The following DAAM1 variants were observed in gnomAD, a reference collection of about 807,000 sequenced individuals.
DAAM1 encodes dishevelled associated activator of morphogenesis 1.
A neutral mutation model predicts 130.0 loss-of-function variants in DAAM1; 52 were observed. That is an observed-to-expected ratio of 0.40 (90% CI 0.32 to 0.50). DAAM1 has a LOEUF of 0.50. DAAM1 is among the 20% of genes least tolerant of loss of function. The pLI is 0.61. For synonymous variants in DAAM1, 452 were observed against 444.5 expected, an observed-to-expected ratio of 1.02 and a Z score of -0.21; for missense variants, 1,134 against 1,303.8, an observed-to-expected ratio of 0.87 and a Z score of 2.01.
rs1885421471 is a variant in DAAM1 at position 59,331,263 on chromosome 14, C to T, written c.1615C>T (p.Pro539Ser). ...ACCCTCGCCTGGAGCACCAGGAGGG[C>T]CCTTTCCTTCCTCTGTGCCTGGATC... The part of the protein sequence containing the change: ...GGPSPGAPGG[P>S]FPSSVPGSLL... Residue 539 changes from proline (P) to serine (S), a missense_variant, in exon 14 of 25, where the codon CCC (proline) becomes TCC (serine). Around this residue, in one of 3 missense-constraint regions of DAAM1, gnomAD observed 644 missense variants for 695.9 expected, o/e 0.93. Coordinates refer to ENST00000360909, the MANE Select transcript of DAAM1 (RefSeq NM_001270520.2). 1.2e-6 allele frequency: 2 copies of T among 1,612,924 alleles called. No homozygotes were observed. Among genetic ancestry groups the T allele is most frequent in the Non-Finnish European group, 1.7e-6 (2 of 1,180,006 alleles).
At chr14:59,283,458 A>C (rs964520028) in intron 2 of DAAM1, among the ~76,000 whole-genome samples, 1 of 152,126 alleles carries the variant, frequency 6.6e-6, no homozygotes, top group Non-Finnish European at 1.5e-5. Flanking sequence ...CTGGTTGTTC[A>C]TTGTGTTGAA....
intron 1 of DAAM1, among the ~76,000 whole-genome samples, chr14:59,262,869 C>T (rs1301813547): frequency 1.3e-5 from 2 of 152,122 alleles, no homozygotes; most frequent in African/African-American, 2.4e-5. Context: ...GGCACTAGGC[C>T]CACAAAATAC....
chr14:59,242,259 C>G (rs1457900179), intron 1 of DAAM1, among the ~76,000 whole-genome samples: 3 of 152,114 alleles, frequency 2.0e-5, no homozygotes, highest in Non-Finnish European at 2.9e-5. Flanking sequence ...TATGATAGAT[C>G]TCAAATATAA....
At chr14:59,275,864 T>C (rs980925603) in intron 2 of DAAM1, among the ~76,000 whole-genome samples, 3 of 152,220 alleles carry the variant, frequency 2.0e-5, no homozygotes, top group African/African-American at 7.2e-5. Context: ...ACACAGAGAA[T>C]ATTACTGTGT....
chr14:59,200,180 G>C (rs921220938), intron 1 of DAAM1, among the ~76,000 whole-genome samples: 1 of 152,126 alleles, frequency 6.6e-6, no homozygotes, highest in African/African-American at 2.4e-5. Context: ...GTCACAACAG[G>C]AGACTTTGTG....
At chr14:59,242,188 A>G (rs894407863) in intron 1 of DAAM1, among the ~76,000 whole-genome samples, 3 of 152,150 alleles carry the variant, frequency 2.0e-5, no homozygotes, top group Non-Finnish European at 4.4e-5. Flanking sequence ...ATTTTTTTCC[A>G]GCTATCCCAC....
At chr14:59,336,802 G>T (rs1200250029) in intron 15 of DAAM1, among the ~76,000 whole-genome samples, 1 of 152,174 alleles carries the variant, frequency 6.6e-6, no homozygotes, top group Non-Finnish European at 1.5e-5. Flanking sequence ...TGAAATAATT[G>T]TATTACTGTA....
chr14:59,195,752 T>G (rs1428853009), intron 1 of DAAM1, among the ~76,000 whole-genome samples: 1 of 152,106 alleles, frequency 6.6e-6, no homozygotes, highest in African/African-American at 2.4e-5. Context: ...CTGAGATAGG[T>G]TCTTATATTC....
At chr14:59,286,570 T>C (rs1024275762) in intron 2 of DAAM1, among the ~76,000 whole-genome samples, 4 of 151,930 alleles carry the variant, frequency 2.6e-5, no homozygotes, top group African/African-American at 7.3e-5. Flanking sequence ...AAAATCTAAA[T>C]AAACACAGTC....
chr14:59,215,138 G>A (rs546806230), intron 1 of DAAM1, among the ~76,000 whole-genome samples: 2 of 152,308 alleles, frequency 1.3e-5, no homozygotes, highest in East Asian at 1.9e-4. Context: ...TATTGGCTCA[G>A]TGTAGCTGTG....
At chr14:59,346,464 A>G (rs1886083565) in intron 16 of DAAM1, among the ~76,000 whole-genome samples, 1 of 152,226 alleles carries the variant, frequency 6.6e-6, no homozygotes, top group Non-Finnish European at 1.5e-5. Context: ...GTAAGGAAGT[A>G]AGATTTTTAA....
intron 1 of DAAM1, among the ~76,000 whole-genome samples, chr14:59,244,218 T>TTGTGA (rs1881256956): frequency 6.6e-6 from 1 of 150,778 alleles, no homozygotes; most frequent in Admixed American, 6.6e-5. Flanking sequence ...CCCAGCTATG[T>TTGTGA]GGCACTGTGA....
chr14:59,296,208 C>G (rs145826173), intron 3 of DAAM1, among the ~76,000 whole-genome samples: 3 of 152,334 alleles, frequency 2.0e-5, no homozygotes, highest in Non-Finnish European at 4.4e-5. Flanking sequence ...GGACAACCAG[C>G]TTTCTAGACT....
At chr14:59,201,138 G>A (rs1327639246) in intron 1 of DAAM1, among the ~76,000 whole-genome samples, 5 of 144,064 alleles carry the variant, frequency 3.5e-5, no homozygotes, top group Non-Finnish European at 7.5e-5. Context: ...TCCAGCCTGG[G>A]CGACAGAGTG....
chr14:59,318,764 G>T (rs1884888811), intron 4 of DAAM1, among the ~76,000 whole-genome samples: 1 of 152,106 alleles, frequency 6.6e-6, no homozygotes, highest in Admixed American at 6.6e-5. Flanking sequence ...TCCTTACACA[G>T]TATTGGGAAA....
chr14:59,209,673 A>C (rs1373534167), intron 1 of DAAM1, among the ~76,000 whole-genome samples: 1 of 152,206 alleles, frequency 6.6e-6, no homozygotes, highest in Admixed American at 6.5e-5. Flanking sequence ...GAGCATGTTT[A>C]AGGTAGGCTA....
chr14:59,307,453 C>G (rs891079367), intron 3 of DAAM1, among the ~76,000 whole-genome samples: 1 of 152,172 alleles, frequency 6.6e-6, no homozygotes, highest in Admixed American at 6.5e-5. Context: ...TCATGCCATG[C>G]TTTTAAAAAA....
chr14:59,361,654 C>T (rs558352166), intron 22 of DAAM1, among the ~76,000 whole-genome samples: 37 of 152,174 alleles, frequency 2.4e-4, no homozygotes, highest in Non-Finnish European at 4.7e-4. Flanking sequence ...TAGGATGAAA[C>T]GTGCCTGTTG....
chr14:59,203,402 A>G (rs932376520), intron 1 of DAAM1, among the ~76,000 whole-genome samples: 5 of 152,168 alleles, frequency 3.3e-5, no homozygotes, highest in Non-Finnish European at 7.4e-5. Context: ...GATGAATTTT[A>G]TGGTACACAA....
Sources: allele counts gnomAD v4.1 joint callset (sites outside exome capture counted in the v4.1 genomes callset), GRCh38; gene constraint gnomAD v4.1.1; regional missense constraint gnomAD v4.1.1; transcripts MANE v1.5; gene names NCBI Gene and HGNC (gene_info 2026-07-23, HGNC 2026-07-21).